Variants in ELN observed in about 807,000 individuals in gnomAD.
ELN encodes the protein elastin.
In ELN, 65 loss-of-function variants were observed where a neutral mutation model predicts 105.8. That is an observed-to-expected ratio of 0.61 (90% CI 0.50 to 0.75). The LOEUF (loss-of-function observed/expected upper bound fraction) is 0.75, where lower values mean the gene tolerates loss of function less well. ELN is among the 30% of genes least tolerant of loss of function. ELN has a pLI of 0.00. For missense variants in ELN, 882 were observed against 969.4 expected (o/e 0.91, Z 1.20); for synonymous variants, 368 against 389.2 (o/e 0.95, Z 0.64).
chr7:74,050,601 C>CCATG (rs1235795641), intron 15 of ELN, among the ~76,000 whole-genome samples: 17 of 146,746 alleles, frequency 1.2e-4, no homozygotes, highest in African/African-American at 4.3e-4. Context: ...ATCCATTCAC[C>CCATG]CATGCATTCA....
Position 74,043,889 on chromosome 7 carries a change from GCCAGGTGTATAC to G in ELN, c.446_457del (p.Val149_Gly152del), listed in dbSNP as rs1227487686. 3 of 1,614,108 alleles carry G rather than the reference GCCAGGTGTATAC, an allele frequency of 1.9e-6. No homozygotes were observed. Among genetic ancestry groups the G allele is most frequent in the Non-Finnish European group, 1.7e-6 (2 of 1,180,002 alleles). On this transcript the variant is annotated inframe_deletion, in exon 9 of 33. Transcript: ENST00000252034. ...TTCTTTTGGCCACAGGTGTGGGGCT[GCCAGGTGTATAC>G]CCAGGTGGCGTGCTCCCAGGTGAGA...
Position 74,069,359 on chromosome 7 carries a change from G to T in ELN, c.*659G>T, listed in dbSNP as rs8326. On this transcript the variant is annotated 3_prime_UTR_variant, in exon 33 of 33. Transcript: ENST00000252034. The stretch of plus-strand genomic sequence containing the variant: ...CCGCCCATCCGTCCATTCATCCATC[G>T]GTCCGTCCATCCATGTCCCCAGTTG... 8.5e-5 allele frequency: 20 copies of T among 236,408 alleles called. No homozygotes were observed. In the Middle Eastern group the frequency reaches 5.1e-3, roughly 60 times the overall value. 14.6% of individuals were successfully genotyped at this position (236,408 alleles called of 1,614,324 possible).
chr7:74,063,086 G>A lies in ELN; in HGVS notation c.1787-67G>A, dbSNP rs1797037734. ...CCCCTGCCACCTGTCTGCTTGCCTT[G>A]TGTCCCTGGGGCAGGGAGACCCATC... On this transcript the variant is annotated intron_variant, in intron 26 of 32. Coordinates refer to ENST00000252034, the MANE Select transcript of ELN (RefSeq NM_000501.4). The surrounding 1 kb of genome is among the most constrained non-coding windows in gnomAD (Gnocchi z 4.1). The A allele has an allele frequency of 1.3e-6, 2 of 1,547,004 alleles. No individual in the cohort carries two copies. Among genetic ancestry groups the A allele is most frequent in the Non-Finnish European group, 8.8e-7 (1 of 1,141,504 alleles).
At chr7:74,057,409 G>GGCTAGTGCCAGGTGCCCCAGGC in intron 21 of ELN, 1 of 1,513,136 alleles carries the variant, frequency 6.6e-7, no homozygotes, top group Non-Finnish European at 8.8e-7. Flanking sequence ...GTGCTGGGTG[G>GGCTAGTGCCAGGTGCCCCAGGC]GCTAGTGCCA....
rs1444715422 is a variant in ELN at position 74,042,713 on chromosome 7, G to A, written c.325+7G>A. On this transcript the variant is annotated splice_region_variant and intron_variant, in intron 6 of 32. Transcript: ENST00000252034. ...TATAAAGCTGCTAAGGCTGGTGAGT[G>A]GTGCTCTTTGGGACATGCCACAAGC... is the stretch of plus-strand genomic sequence containing the variant. 6.2e-7 allele frequency: 1 copy of A among 1,612,084 alleles called. No individual in the cohort carries two copies. The highest frequency in any genetic ancestry group is 8.5e-7 in the Non-Finnish European group (1 of 1,179,978).
chr7:74,056,421 G>C lies in ELN; in HGVS notation c.1301G>C (p.Gly434Ala). The change falls in exon 20 of 33, where the codon GGA becomes GCA. Residue 434 changes from glycine (G) to alanine (A), a missense_variant. Transcript: ENST00000252034. ...GTTCCCGGAGTCGGAGGTGTCCCGG[G>C]AGTTGGCATTTCCCGTGAGCCTTAG... ...GGVPGVGGVP[G>A]VGISPEAQAA... The C allele has an allele frequency of 6.2e-7, 1 of 1,613,780 alleles. No individual in the cohort carries two copies. The highest frequency in any genetic ancestry group is 8.5e-7 in the Non-Finnish European group (1 of 1,179,802).
At chr7:74,051,314 T>C (rs1452481127) in intron 15 of ELN, among the ~76,000 whole-genome samples, 3 of 151,876 alleles carry the variant, frequency 2.0e-5, no homozygotes, top group Non-Finnish European at 2.9e-5. Flanking sequence ...CAGCGGCTGG[T>C]GGGGACGGCT....
At chr7:74,044,908 CCT>C (rs1199602469) in intron 9 of ELN, among the ~76,000 whole-genome samples, 2 of 152,188 alleles carry the variant, frequency 1.3e-5, no homozygotes, top group Non-Finnish European at 2.9e-5. Flanking sequence ...AGCAGCTGTC[CCT>C]CTCTTTACCT....
At chr7:74,045,368 G>A (rs1305208205) in intron 10 of ELN, 75 bp downstream of exon 10, 13 of 1,558,766 alleles carry the variant, frequency 8.3e-6, no homozygotes, top group East Asian at 2.3e-5. Context: ...GTGAAATGGG[G>A]TGGGATCCTG....
chr7:74,046,037 G>A lies in ELN; in HGVS notation c.542-151G>A, dbSNP rs527642291. 115 of 1,126,474 alleles carry A rather than the reference G, an allele frequency of 1.0e-4. No individual in the cohort carries two copies. The African/African-American group carries it at 1.5e-3, about 14-fold the overall frequency. 69.8% of individuals were successfully genotyped at this position (1,126,474 alleles called of 1,614,324 possible). On this transcript the variant is annotated intron_variant, in intron 10 of 32. Transcript: ENST00000252034. ...GCGACAAGAGCGAAACTCCATCTCC[G>A]AAAAAAGAAACCCCAGAGTTCATGT...
At position 74,060,222 on chromosome 7, in the gene ELN, G is replaced by A. The variant is rs782776351; in HGVS notation, c.1621+38G>A. The stretch of plus-strand genomic sequence containing the variant: ...CCCACCTTTCTCTCCTCTCCCCAAC[G>A]ATCTCAGAGCTGGTTAGGGGCAACA... On this transcript the variant is annotated intron_variant, in intron 24 of 32. Coordinates refer to ENST00000252034, the MANE Select transcript of ELN (RefSeq NM_000501.4). 21 of 1,613,862 alleles carry A rather than the reference G, an allele frequency of 1.3e-5. No homozygotes were observed. In the East Asian group the frequency reaches 3.3e-4, roughly 26 times the overall value.
At chr7:74,034,981 A>C (rs1789569551) in intron 1 of ELN, among the ~76,000 whole-genome samples, 1 of 151,200 alleles carries the variant, frequency 6.6e-6, no homozygotes, top group South Asian at 2.1e-4. Flanking sequence ...TGCACCTGTA[A>C]TCCCAGCTAC....
chr7:74,053,840 G>T (rs889259059), intron 18 of ELN, among the ~76,000 whole-genome samples: 1 of 151,542 alleles, frequency 6.6e-6, no homozygotes, highest in Non-Finnish European at 1.5e-5. Flanking sequence ...GGGTGGATGG[G>T]TGTGGGATGG....
chr7:74,043,981 C>T, intron 9 of ELN, 61 bp downstream of exon 9: 3 of 1,595,128 alleles, frequency 1.9e-6, no homozygotes, highest in South Asian at 1.1e-5. Context: ...CGCAGTGGCT[C>T]ATGCCTATAA....
chr7:74,038,450 C>A (rs1188820385), intron 4 of ELN, among the ~76,000 whole-genome samples: 1 of 152,254 alleles, frequency 6.6e-6, no homozygotes. Context: ...GTCCAGACCA[C>A]GGAGTTTTCC....
In ELN at chr7:74,053,273, GTCCCAGGTGCTGGGA is replaced by G. The variant is rs782156377; in HGVS notation, c.1073_1087del (p.Gly358_Ala362del). Reference sequence around the variant, plus strand: ...TGTCCCAGGAGCTGGGATTCCAGTTGTCCCAGGTGCTGGGATCCCAGGTGCTGCGGTTCCAGGTGA... The same window carrying G: ...TGTCCCAGGAGCTGGGATTCCAGTTGTCCCAGGTGCTGCGGTTCCAGGTGA... On this transcript the variant is annotated inframe_deletion, in exon 18 of 33. Coordinates refer to ENST00000252034, the MANE Select transcript of ELN (RefSeq NM_000501.4). 2.5e-6 allele frequency: 4 copies of G among 1,613,798 alleles called. No individual in the cohort carries two copies. The highest frequency in any genetic ancestry group is 1.7e-5 in the Admixed American group (1 of 59,992).
At position 74,063,254 on chromosome 7, in the gene ELN, G is replaced by C. The variant is rs782496342; in HGVS notation, c.1858+30G>C. 1 of 1,596,582 alleles carries C rather than the reference G, an allele frequency of 6.3e-7. No individual in the cohort carries two copies. Among genetic ancestry groups the C allele is most frequent in the Non-Finnish European group, 8.5e-7 (1 of 1,172,984 alleles). On this transcript the variant is annotated intron_variant, in intron 27 of 32. Coordinates refer to ENST00000252034, the MANE Select transcript of ELN (RefSeq NM_000501.4). The surrounding 1 kb of genome is among the most constrained non-coding windows in gnomAD (Gnocchi z 4.1). ...GTTGAAACCCCAGGAGGGGCAGGGT[G>C]GGGAGGGAATCTAACCAGTACAGAG...
intron 10 of ELN, 141 bp downstream of exon 10, chr7:74,045,434 G>A (rs1792241156): frequency 2.1e-6 from 2 of 949,934 alleles, no homozygotes; most frequent in South Asian, 2.8e-5. Flanking sequence ...TGGGCAGCCT[G>A]GTGCTGAAAA....
At chr7:74,057,056 G>C (rs1795399806) in intron 21 of ELN, among the ~76,000 whole-genome samples, 1 of 152,032 alleles carries the variant, frequency 6.6e-6, no homozygotes, top group Non-Finnish European at 1.5e-5. Flanking sequence ...TGGCCAATAT[G>C]GTGAAATGCT....
Sources: allele counts gnomAD v4.1 joint callset (sites outside exome capture counted in the v4.1 genomes callset), GRCh38; gene constraint gnomAD v4.1.1; non-coding constraint Gnocchi (gnomAD v3.1); transcripts MANE v1.5; gene names NCBI Gene and HGNC (gene_info 2026-07-23, HGNC 2026-07-21).